The following DLC1 variants were observed in gnomAD, a reference collection of about 807,000 sequenced individuals.
DLC1 encodes the protein rho GTPase-activating protein 7.
In DLC1, 54 loss-of-function variants were observed where a neutral mutation model predicts 140.3. The observed-to-expected ratio is 0.38, with a 90% confidence interval of 0.31 to 0.48. DLC1 has a LOEUF of 0.48. Ranked by LOEUF, DLC1 falls within the 20% of genes least tolerant of loss-of-function variation. The pLI is 0.96. For missense variants in DLC1, 2,536 were observed against 1,907.0 expected (o/e 1.33, Z -6.14); for synonymous variants, 986 against 728.1 (o/e 1.35, Z -5.70).
At chr8:13,595,648 C>T (rs955565848) in intron 1 of DLC1, among the ~76,000 whole-genome samples, 3 of 151,966 alleles carry the variant, frequency 2.0e-5, no homozygotes, top group Non-Finnish European at 4.4e-5. Flanking sequence ...GAAAGATATG[C>T]TGGTAACTAC....
At chr8:13,449,064 T>A (rs1798926211) in intron 2 of DLC1, among the ~76,000 whole-genome samples, 1 of 152,182 alleles carries the variant, frequency 6.6e-6, no homozygotes, top group African/African-American at 2.4e-5. Flanking sequence ...AATGAGCATA[T>A]TATATACCTT....
intron 2 of DLC1, among the ~76,000 whole-genome samples, chr8:13,426,119 A>G (rs1838566700): frequency 6.6e-6 from 1 of 152,092 alleles, no homozygotes. Context: ...GGCAATTATT[A>G]TTATTATTAT....
intron 2 of DLC1, among the ~76,000 whole-genome samples, chr8:13,474,322 A>T (rs576376832): frequency 6.6e-6 from 1 of 152,294 alleles, no homozygotes; most frequent in Non-Finnish European, 1.5e-5. Flanking sequence ...GGGATTGGAA[A>T]CCTCTGCCTA....
chr8:13,384,282 A>C (rs528309478), intron 4 of DLC1, among the ~76,000 whole-genome samples: 2 of 152,180 alleles, frequency 1.3e-5, no homozygotes, highest in Admixed American at 6.5e-5. Flanking sequence ...ATAAGCTAGA[A>C]AGGAAAAGGA....
At chr8:13,154,948 A>G (rs1412562168) in intron 5 of DLC1, among the ~76,000 whole-genome samples, 1 of 152,184 alleles carries the variant, frequency 6.6e-6, no homozygotes, top group Non-Finnish European at 1.5e-5. Context: ...TTAAAATTCA[A>G]ATAATATGGA....
At chr8:13,250,935 A>T (rs1829976697) in intron 5 of DLC1, among the ~76,000 whole-genome samples, 1 of 152,162 alleles carries the variant, frequency 6.6e-6, no homozygotes, top group African/African-American at 2.4e-5. Flanking sequence ...TACTAAAAGA[A>T]AATTCAGTGC....
At chr8:13,535,685 GA>G (rs59115159) in intron 1 of DLC1, among the ~76,000 whole-genome samples, 2 of 138,726 alleles carry the variant, frequency 1.4e-5, no homozygotes, top group East Asian at 2.1e-4. Flanking sequence ...AAAAAAAAAA[GA>G]AAAGAAAACA....
intron 4 of DLC1, among the ~76,000 whole-genome samples, chr8:13,391,920 T>A (rs187337345): frequency 6.0e-5 from 9 of 150,248 alleles, no homozygotes; most frequent in African/African-American, 2.2e-4. Flanking sequence ...AAAAAGCCAA[T>A]GCATCAATGA....
chr8:13,240,754 A>G (rs1829511627), intron 5 of DLC1, among the ~76,000 whole-genome samples: 1 of 152,160 alleles, frequency 6.6e-6, no homozygotes, highest in Non-Finnish European at 1.5e-5. Flanking sequence ...TTCTTAAGGT[A>G]ACTTTCACTG....
intron 5 of DLC1, chr8:13,304,488 C>T (rs555809217): frequency 9.1e-6 from 2 of 219,892 alleles, no homozygotes; most frequent in South Asian, 1.7e-4. Flanking sequence ...CCCCGCCAGA[C>T]AAACTCTACT....
intron 4 of DLC1, among the ~76,000 whole-genome samples, chr8:13,334,538 G>A (rs1833740932): frequency 6.6e-6 from 1 of 152,182 alleles, no homozygotes; most frequent in Non-Finnish European, 1.5e-5. Flanking sequence ...AAACAATGGG[G>A]ACCAAACCAG....
chr8:13,437,064 C>G (rs1839152791), intron 2 of DLC1, among the ~76,000 whole-genome samples: 1 of 152,196 alleles, frequency 6.6e-6, no homozygotes, highest in Admixed American at 6.5e-5. Context: ...TTTCTAAAAT[C>G]TGATGGCCCA....
At chr8:13,559,004 C>T (rs1563440179) in intron 1 of DLC1, 1 of 152,174 alleles carries the variant, frequency 6.6e-6, no homozygotes, top group Non-Finnish European at 1.5e-5. Flanking sequence ...TGACTTAGAC[C>T]TACACATATT....
rs796281094 is a variant in DLC1 at position 13,506,595 on chromosome 8, A to ATATACACG, written c.-125-6400_-125-6399insCGTGTATA. Among the ~76,000 whole-genome samples, 779 of 129,522 alleles carry ATATACACG rather than the reference A, an allele frequency of 6.0e-3. 15 individuals carry two copies. The highest frequency in any genetic ancestry group is 0.054 in the East Asian group (122 of 2,278). The allele number at this position is 129,522 out of a possible 152,430, so 85.0% of individuals were successfully genotyped here. A position where few individuals can be genotyped will look rare whatever the true frequency, so the allele number is the denominator to read the frequency against. On this transcript the variant is annotated intron_variant, in intron 1 of 17. Transcript: ENST00000276297. ...TGTGTGTGTGTGTATATATATATAT[A>ATATACACG]TATATATATATATACACATATATAT...
chr8:13,218,874 A>T (rs1249666240), intron 5 of DLC1, among the ~76,000 whole-genome samples: 2 of 128,814 alleles, frequency 1.6e-5, no homozygotes, highest in Non-Finnish European at 3.1e-5. Flanking sequence ...GAATATAATT[A>T]TATAATTATA....
At chr8:13,196,129 C>CACACAT (rs1554467535) in intron 5 of DLC1, among the ~76,000 whole-genome samples, 6 of 149,902 alleles carry the variant, frequency 4.0e-5, no homozygotes, top group Non-Finnish European at 7.4e-5. Context: ...CACACACACA[C>CACACAT]GTGAACTCGA....
At chr8:13,307,836 G>A (rs746573615) in intron 4 of DLC1, among the ~76,000 whole-genome samples, 3 of 152,286 alleles carry the variant, frequency 2.0e-5, no homozygotes, top group Non-Finnish European at 4.4e-5. Flanking sequence ...TGTCACTAAC[G>A]GAAGCAAGGC....
intron 1 of DLC1, chr8:13,535,915 A>C (rs1332577828): frequency 6.6e-6 from 1 of 152,146 alleles, no homozygotes; most frequent in Non-Finnish European, 1.5e-5. Context: ...GTGGAGGTAC[A>C]GAATTATGTA....
At chr8:13,575,541 C>T (rs1804808841) in intron 1 of DLC1, among the ~76,000 whole-genome samples, 1 of 151,874 alleles carries the variant, frequency 6.6e-6, no homozygotes, top group African/African-American at 2.4e-5. Flanking sequence ...TCAGCTAGCA[C>T]AGATATGGGG....
Sources: allele counts gnomAD v4.1 joint callset (sites outside exome capture counted in the v4.1 genomes callset), GRCh38; gene constraint gnomAD v4.1.1; transcripts MANE v1.5; gene names NCBI Gene and HGNC (gene_info 2026-07-23, HGNC 2026-07-21).